The following ACTN2 variants were observed in gnomAD, a reference collection of about 807,000 sequenced individuals.
The protein encoded by ACTN2 is alpha-actinin-2.
In ACTN2, 39 loss-of-function variants were observed where a neutral mutation model predicts 113.8. The ratio of observed to expected loss-of-function variants is 0.34; its 90% CI spans 0.27 to 0.45. The LOEUF (loss-of-function observed/expected upper bound fraction) is 0.45, where lower values mean the gene tolerates loss of function less well. Ranked by LOEUF, ACTN2 falls within the 20% of genes least tolerant of loss-of-function variation. The pLI is 1.00. For missense variants in ACTN2, 992 were observed against 1,177.9 expected, an observed-to-expected ratio of 0.84 and a Z score of 2.31; for synonymous variants, 429 against 444.1, an observed-to-expected ratio of 0.97 and a Z score of 0.43.
intron 4 of ACTN2, among the ~76,000 whole-genome samples, chr1:236,724,044 G>A (rs575549495): frequency 9.5e-4 from 145 of 152,278 alleles, no homozygotes; most frequent in South Asian, 2.1e-3. Flanking sequence ...CCATAGCATG[G>A]ATGGCTTAAA....
intron 17 of ACTN2, 109 bp downstream of exon 17, chr1:236,755,307 C>A: frequency 7.6e-7 from 1 of 1,316,908 alleles, no homozygotes; most frequent in Non-Finnish European, 1.1e-6. Flanking sequence ...TTAAGACCTA[C>A]AAGTATGAAA....
intron 5 of ACTN2, 119 bp downstream of exon 5, chr1:236,726,139 G>A: frequency 1.1e-6 from 1 of 877,670 alleles, no homozygotes; most frequent in African/African-American, 1.7e-5. Flanking sequence ...ATGTATCGAG[G>A]AGAACTCAGG....
intron 1 of ACTN2, among the ~76,000 whole-genome samples, chr1:236,707,769 T>C (rs1386091073): frequency 7.3e-6 from 1 of 136,312 alleles, no homozygotes; most frequent in African/African-American, 2.8e-5. Context: ...TGGAGTGCAA[T>C]GGCACCATCT....
chr1:236,713,427 G>A (rs150379012), intron 1 of ACTN2, among the ~76,000 whole-genome samples: 7 of 152,048 alleles, frequency 4.6e-5, no homozygotes, highest in South Asian at 2.1e-4. Context: ...GGGTTTCTCC[G>A]TGTTGGTCAG....
chr1:236,720,031 C>CTTCAGAGCT, intron 3 of ACTN2, 74 bp from the exon 4 acceptor site: 1 of 1,027,646 alleles, frequency 9.7e-7, no homozygotes, highest in Middle Eastern at 2.1e-4. Context: ...CTGAAGTCAA[C>CTTCAGAGCT]ATTTATATAT....
In ACTN2 at chr1:236,721,015, G is replaced by GGTTTTTGT; in HGVS notation, c.448+824_448+825insGTTTTTGT. Reference sequence around the variant, plus strand: ...ACAGTAGCCTCTGACTCTGGTTTTTGTTTTTTGTTTTTTTTTTTTTTTTTT... The same window carrying GGTTTTTGT: ...ACAGTAGCCTCTGACTCTGGTTTTTGGTTTTTGTTTTTTTGTTTTTTTTTTTTTTTTTT... On this transcript the variant is annotated intron_variant, in intron 4 of 20. Transcript: ENST00000366578. Among the ~76,000 whole-genome samples the GGTTTTTGT allele has an allele frequency of 4.3e-3, 211 of 49,164 alleles. 5 individuals carry two copies. Among genetic ancestry groups the GGTTTTTGT allele is most frequent in the African/African-American group, 0.014 (136 of 9,962 alleles). 32.3% of individuals were successfully genotyped at this position (49,164 alleles called of 152,430 possible). A position where few individuals can be genotyped will look rare whatever the true frequency, so the allele number is the denominator to read the frequency against.
At chr1:236,753,174 G>A (rs1043034344) in intron 15 of ACTN2, among the ~76,000 whole-genome samples, 19 of 152,264 alleles carry the variant, frequency 1.2e-4, no homozygotes, top group Non-Finnish European at 2.4e-4. Context: ...TCATGAACCC[G>A]TCTGGCAGTC....
intron 10 of ACTN2, among the ~76,000 whole-genome samples, chr1:236,740,390 A>G (rs1659033971): frequency 6.7e-6 from 1 of 150,294 alleles, no homozygotes. Context: ...CTGGGATGAC[A>G]GGCGTGAGCC....
At chr1:236,713,252 A>C (rs1658098089) in intron 1 of ACTN2, among the ~76,000 whole-genome samples, 1 of 146,600 alleles carries the variant, frequency 6.8e-6, no homozygotes, top group South Asian at 2.2e-4. Flanking sequence ...TTTGAGACGG[A>C]GTTTCACTCC....
intron 1 of ACTN2, among the ~76,000 whole-genome samples, chr1:236,692,359 G>C (rs1247077185): frequency 6.6e-6 from 1 of 152,256 alleles, no homozygotes. Flanking sequence ...CTAATGAGGA[G>C]AGTCTGTTTA....
Position 236,751,629 on chromosome 1 carries a change from G to C in ACTN2, c.1816G>C (p.Glu606Gln), listed in dbSNP as rs1438508177. The C allele has an allele frequency of 6.2e-7, 1 of 1,613,986 alleles. No individual in the cohort carries two copies. The highest frequency in any genetic ancestry group is 1.3e-5 in the African/African-American group (1 of 75,044). Reference sequence around the variant, plus strand: ...CCCGTACAGCACTGTCACCATGGATGAGCTCCGGACCAAGTGGGACAAGGT... The same window carrying C: ...CCCGTACAGCACTGTCACCATGGATCAGCTCCGGACCAAGTGGGACAAGGT... ...SNPYSTVTMD[E>Q]LRTKWDKVKQ... Residue 606 changes from glutamate (E) to glutamine (Q), a missense_variant, in exon 15 of 21, where the codon GAG (glutamate) becomes CAG (glutamine). Transcript: ENST00000366578.
intron 20 of ACTN2, among the ~76,000 whole-genome samples, chr1:236,761,977 A>G (rs1271704348): frequency 6.6e-6 from 1 of 152,200 alleles, no homozygotes; most frequent in Non-Finnish European, 1.5e-5. Flanking sequence ...GTAAGAAACC[A>G]TGGCTCCTCC....
rs371271055 is a variant in ACTN2 at position 236,762,590 on chromosome 1, T to C, written c.2656T>C (p.Ser886Pro). Reference sequence around the variant, plus strand: ...TGCACTGGATTACGCTGCGTTCTCTTCCGCACTCTACGGGGAGAGCGATCT... The same window carrying C: ...TGCACTGGATTACGCTGCGTTCTCTCCCGCACTCTACGGGGAGAGCGATCT... ...PGALDYAAFS[S>P]ALYGESDL Residue 886 changes from serine (S) to proline (P), a missense_variant, in exon 21 of 21, where the codon TCC becomes CCC. Ser to Pro is a moderately conservative substitution (Grantham distance 74). Around this residue, in one of 3 missense-constraint regions of ACTN2, gnomAD observed 736 missense variants for 815.4 expected, o/e 0.90. Transcript: ENST00000366578. 2 of 1,614,052 alleles carry C rather than the reference T, an allele frequency of 1.2e-6. No individual in the cohort carries two copies. Among genetic ancestry groups the C allele is most frequent in the African/African-American group, 2.7e-5 (2 of 74,916 alleles).
chr1:236,757,724 C>A (rs1659591512), intron 18 of ACTN2, 92 bp downstream of exon 18: 3 of 1,511,306 alleles, frequency 2.0e-6, no homozygotes, highest in Non-Finnish European at 2.8e-6. Flanking sequence ...AGTCTTAAGG[C>A]TCCACAACAT....
At chr1:236,706,518 A>G (rs1657828111) in intron 1 of ACTN2, among the ~76,000 whole-genome samples, 1 of 152,150 alleles carries the variant, frequency 6.6e-6, no homozygotes, top group South Asian at 2.1e-4. Context: ...ATACAATGGC[A>G]TTGGGTAGAA....
At position 236,752,326 on chromosome 1, in the gene ACTN2, G is replaced by A. The variant is rs192704195; in HGVS notation, c.1839+674G>A. 1.1e-4 allele frequency among the ~76,000 whole-genome samples: 16 copies of A among 152,184 alleles called. No homozygotes were observed. The East Asian group carries it at 1.9e-3, about 18-fold the overall frequency. ...AGTGGCTTTTACTATAAAAACACACGTGCTGCAAGTTAGTTATAAACAGCG... is the reference window on the plus strand; with the variant it reads ...AGTGGCTTTTACTATAAAAACACACATGCTGCAAGTTAGTTATAAACAGCG... On this transcript the variant is annotated intron_variant, in intron 15 of 20. Transcript: ENST00000366578.
chr1:236,755,348 AT>A, intron 17 of ACTN2, 150 bp downstream of exon 17: 1 of 879,672 alleles, frequency 1.1e-6, no homozygotes, highest in Non-Finnish European at 1.8e-6. Flanking sequence ...TCCAGTCACT[AT>A]TTGTGGAAAT....
At chr1:236,736,764 G>GGA (rs1658889946) in intron 8 of ACTN2, 1 of 802,006 alleles carries the variant, frequency 1.2e-6, no homozygotes, top group Admixed American at 2.4e-5. Context: ...TGAGATCAGT[G>GGA]GAGAGTTCAG....
rs1659521123 is a variant in ACTN2, at chr1:236,755,246, T to C, written c.2154+48T>C. ...TGCCGCTCACTTCTCACGGGGACCA[T>C]GCCACCTCCTCAGGGTGCTTTCTTC... On this transcript the variant is annotated intron_variant, in intron 17 of 20. Coordinates refer to ENST00000366578, the MANE Select transcript of ACTN2 (RefSeq NM_001103.4). The C allele has an allele frequency of 1.9e-6, 3 of 1,607,738 alleles. No individual in the cohort carries two copies. In the Admixed American group the frequency reaches 5.0e-5, roughly 27 times the overall value.
Sources: allele counts gnomAD v4.1 joint callset (sites outside exome capture counted in the v4.1 genomes callset), GRCh38; gene constraint gnomAD v4.1.1; regional missense constraint gnomAD v4.1.1; transcripts MANE v1.5; gene names NCBI Gene and HGNC (gene_info 2026-07-23, HGNC 2026-07-21).